Variants in IGF1R observed in about 807,000 individuals in gnomAD.
IGF1R encodes the protein insulin-like growth factor 1 receptor.
Under a neutral mutation model 144.6 loss-of-function variants are expected in IGF1R, and 44 were observed. The observed-to-expected ratio is 0.30, with a 90% CI of 0.24 to 0.39. IGF1R has a LOEUF of 0.39. Ranked by LOEUF, IGF1R falls within the 10% of genes least tolerant of loss-of-function variation. IGF1R has a pLI of 1.00. For missense variants in IGF1R, 1,355 were observed against 1,833.7 expected, an observed-to-expected ratio of 0.74 and a Z score of 4.77; for synonymous variants, 795 against 722.8, an observed-to-expected ratio of 1.10 and a Z score of -1.60.
intron 2 of IGF1R, among the ~76,000 whole-genome samples, chr15:98,855,522 C>T (rs1482810211): frequency 6.6e-6 from 1 of 152,210 alleles, no homozygotes; most frequent in Non-Finnish European, 1.5e-5. Flanking sequence ...TATGTAGAAT[C>T]ACTAGGGACT....
rs2017108747 is a variant in IGF1R at position 98,958,697 on chromosome 15, A to T, written c.*1255A>T. On this transcript the variant is annotated 3_prime_UTR_variant, in exon 21 of 21. Coordinates refer to ENST00000650285, the MANE Select transcript of IGF1R (RefSeq NM_000875.5). ...TTCAGATATTCATCTATACGTCTGT[A>T]CAGAAAAAAAAAAGCTGCTATTTTT... 5.1e-6 allele frequency: 1 copy of T among 195,184 alleles called. No homozygotes were observed. Among genetic ancestry groups the T allele is most frequent in the South Asian group, 2.9e-4 (1 of 3,498 alleles). 12.1% of individuals were successfully genotyped at this position (195,184 alleles called of 1,614,324 possible). A position where few individuals can be genotyped will look rare whatever the true frequency, so the allele number is the denominator to read the frequency against.
intron 19 of IGF1R, among the ~76,000 whole-genome samples, chr15:98,944,814 G>A (rs1331298964): frequency 2.0e-5 from 3 of 152,220 alleles, no homozygotes; most frequent in Non-Finnish European, 2.9e-5. Context: ...GCCTCACAAA[G>A]GCAGGCCAGC....
At chr15:98,675,659 CTTGT>C (rs2053017961) in intron 1 of IGF1R, among the ~76,000 whole-genome samples, 1 of 151,992 alleles carries the variant, frequency 6.6e-6, no homozygotes, top group Admixed American at 6.6e-5. Flanking sequence ...ATATTGATTC[CTTGT>C]TTATCTTTTT....
At chr15:98,721,539 A>C (rs1393708960) in intron 2 of IGF1R, among the ~76,000 whole-genome samples, 2 of 152,114 alleles carry the variant, frequency 1.3e-5, no homozygotes, top group Non-Finnish European at 2.9e-5. Flanking sequence ...TGGCGATGGC[A>C]GTGGCAGCAG....
At position 98,716,978 on chromosome 15, in the gene IGF1R, G is replaced by A. The variant is rs541587988; in HGVS notation, c.640+8871G>A. On this transcript the variant is annotated intron_variant, in intron 2 of 20. Coordinates refer to ENST00000650285, the MANE Select transcript of IGF1R (RefSeq NM_000875.5). ...CATCCTGTGCCTGCCCTCACTCTCA[G>A]TGTGACTGGTCTTCAGGATGTTTAG... is the stretch of plus-strand genomic sequence containing the variant. 5.3e-5 allele frequency among the ~76,000 whole-genome samples: 8 copies of A among 152,316 alleles called. No individual in the cohort carries two copies. The East Asian group carries it at 1.5e-3, about 29-fold the overall frequency.
Position 98,924,029 on chromosome 15 carries a change from G to T in IGF1R, c.2622+17G>T. The T allele has an allele frequency of 6.2e-7, 1 of 1,612,286 alleles. No homozygotes were observed. The highest frequency in any genetic ancestry group is 8.5e-7 in the Non-Finnish European group (1 of 1,178,346). On this transcript the variant is annotated intron_variant, in intron 12 of 20. Coordinates refer to ENST00000650285, the MANE Select transcript of IGF1R (RefSeq NM_000875.5). ...CAAGTTGAGGTAGGACTGGGGCAGT[G>T]GCCCGTGCCTGCATGTACTTCCATC... is the stretch of plus-strand genomic sequence containing the variant.
chr15:98,942,959 A>G lies in IGF1R; in HGVS notation c.3494A>G (p.Tyr1165Cys), dbSNP rs1167039747. 3 of 1,614,096 alleles carry G rather than the reference A, an allele frequency of 1.9e-6. No individual in the cohort carries two copies. Among genetic ancestry groups the G allele is most frequent in the Non-Finnish European group, 2.5e-6 (3 of 1,179,984 alleles). The change falls in exon 19 of 21, where the codon TAT becomes TGT. Residue 1165 changes from tyrosine to cysteine, a missense_variant. Around this residue, in one of 7 missense-constraint regions of IGF1R, gnomAD observed 77 missense variants for 163.2 expected, o/e 0.47. Coordinates refer to ENST00000650285, the MANE Select transcript of IGF1R (RefSeq NM_000875.5). ...ACGCGAGATATCTATGAGACAGACT[A>G]TTACCGGAAAGGAGGGAAAGGGCTG... is the stretch of plus-strand genomic sequence containing the variant. ...GMTRDIYETD[Y>C]YRKGGKGLLP... is the part of the protein sequence containing the mutation.
chr15:98,759,728 G>C (rs2141349890), intron 2 of IGF1R, among the ~76,000 whole-genome samples: 1 of 152,288 alleles, frequency 6.6e-6, no homozygotes, highest in East Asian at 1.9e-4. Flanking sequence ...GGCATTTTTA[G>C]TTCATGGGGC....
rs1284812585 is a variant in IGF1R, at chr15:98,935,293, T to A, written c.3187-23T>A. 1 of 1,490,572 alleles carries A rather than the reference T, an allele frequency of 6.7e-7. No homozygotes were observed. Among genetic ancestry groups the A allele is most frequent in the South Asian group, 1.2e-5 (1 of 82,800 alleles). The allele number at this position is 1,490,572 out of a possible 1,614,324, so 92.3% of individuals were successfully genotyped here. On this transcript the variant is annotated intron_variant, in intron 16 of 20. Transcript: ENST00000650285. This position sits in a 1 kb window ranked among gnomAD's most constrained non-coding sequence, Gnocchi z 4.2. The stretch of plus-strand genomic sequence containing the variant: ...CAAGGGCCACCTGACCCTCTGAGTC[T>A]TTCTCTTTTTGATTCCTCCCAGGTG...
At position 98,891,908 on chromosome 15, in the gene IGF1R, G is replaced by A. The variant is rs181095134; in HGVS notation, c.953+271G>A. On this transcript the variant is annotated intron_variant, in intron 3 of 20. Coordinates refer to ENST00000650285, the MANE Select transcript of IGF1R (RefSeq NM_000875.5). This position sits in a 1 kb window ranked among gnomAD's most constrained non-coding sequence, Gnocchi z 4.7. ...AATTAAGTACTTGCTTGCTGGTTTCGATACCCAGAGTTCATAGTCTCTCTG... is the reference window on the plus strand; with the variant it reads ...AATTAAGTACTTGCTTGCTGGTTTCAATACCCAGAGTTCATAGTCTCTCTG... Among the ~76,000 whole-genome samples, 11 of 152,246 alleles carry A rather than the reference G, an allele frequency of 7.2e-5. No homozygotes were observed. The highest frequency in any genetic ancestry group is 1.3e-4 in the Admixed American group (2 of 15,308).
At chr15:98,911,236 G>T in intron 6 of IGF1R, 79 bp from the exon 7 acceptor site, 1 of 1,554,246 alleles carries the variant, frequency 6.4e-7, no homozygotes, top group Non-Finnish European at 8.8e-7. Flanking sequence ...TGGGGAAGGG[G>T]GAAGCAGTGC....
intron 2 of IGF1R, among the ~76,000 whole-genome samples, chr15:98,778,046 C>T (rs1424318066): frequency 6.6e-6 from 1 of 152,130 alleles, no homozygotes; most frequent in Non-Finnish European, 1.5e-5. Context: ...AATGACAATG[C>T]AGAGCTTAAT....
chr15:98,880,709 G>A (rs1159047874), intron 2 of IGF1R: 1 of 152,214 alleles, frequency 6.6e-6, no homozygotes, highest in Non-Finnish European at 1.5e-5. Flanking sequence ...ACCATAGACA[G>A]TTTTCCCTTG....
chr15:98,815,293 CTTT>C (rs1309094551), intron 2 of IGF1R, among the ~76,000 whole-genome samples: 1 of 152,172 alleles, frequency 6.6e-6, no homozygotes, highest in African/African-American at 2.4e-5. Context: ...CAATGGCTGT[CTTT>C]TTAATGGGAG....
At chr15:98,828,944 C>G (rs1274913429) in intron 2 of IGF1R, among the ~76,000 whole-genome samples, 1 of 152,094 alleles carries the variant, frequency 6.6e-6, no homozygotes, top group Non-Finnish European at 1.5e-5. Flanking sequence ...ACGTGAACTA[C>G]TTGAGAACAA....
At chr15:98,943,154 C>G in intron 19 of IGF1R, 102 bp downstream of exon 19, 5 of 1,379,308 alleles carry the variant, frequency 3.6e-6, no homozygotes, top group Non-Finnish European at 5.1e-6. Flanking sequence ...CATTGTTACC[C>G]GTTGCCAGCT....
intron 17 of IGF1R, among the ~76,000 whole-genome samples, chr15:98,936,095 T>C (rs556745495): frequency 6.6e-6 from 1 of 152,324 alleles, no homozygotes; most frequent in South Asian, 2.1e-4. Flanking sequence ...ACAGTCCCCT[T>C]CCCCGGCATT....
chr15:98,773,612 C>T (rs997100533), intron 2 of IGF1R, among the ~76,000 whole-genome samples: 25 of 152,196 alleles, frequency 1.6e-4, no homozygotes, highest in African/African-American at 5.8e-4. Flanking sequence ...AGCAGCCACA[C>T]ATTTTGAGTG....
chr15:98,931,376 A>C (rs930305473), intron 15 of IGF1R, among the ~76,000 whole-genome samples: 3 of 152,238 alleles, frequency 2.0e-5, no homozygotes, highest in African/African-American at 7.2e-5. Flanking sequence ...AATTATTGTG[A>C]TCAAATAAGA....
Sources: gnomAD v4.1 joint callset for allele counts (sites outside exome capture counted in the v4.1 genomes callset) on GRCh38, gnomAD v4.1.1 for gene constraint, gnomAD v4.1.1 regional missense constraint, Gnocchi (gnomAD v3.1) non-coding constraint, MANE v1.5 for transcripts, NCBI Gene and HGNC (gene_info 2026-07-23, HGNC 2026-07-21) for gene names.